The following ZNRF3 variants were observed in gnomAD, a reference collection of about 807,000 sequenced individuals.
ZNRF3 encodes the protein zinc and ring finger 3, also known as E3 ubiquitin-protein ligase ZNRF3.
A neutral mutation model predicts 72.5 loss-of-function variants in ZNRF3; 23 were observed. The ratio of observed to expected loss-of-function variants is 0.32; its 90% CI spans 0.23 to 0.45. The LOEUF (loss-of-function observed/expected upper bound fraction) is 0.45, where lower values mean the gene tolerates loss of function less well. Among genes scored for constraint, ZNRF3 ranks in the 20% least tolerant of loss-of-function variants. The probability of loss-of-function intolerance (pLI) is 1.00; values close to 1 mark genes in which losing one functional copy is unlikely to be tolerated. For synonymous variants in ZNRF3, 610 were observed against 545.3 expected (o/e 1.12, Z -1.65); for missense variants, 1,169 against 1,272.1 (o/e 0.92, Z 1.23).
At position 28,899,693 on chromosome 22, in the gene ZNRF3, C is replaced by CTT. The variant is rs1299023459; in HGVS notation, c.300+15642_300+15643dup. Among the ~76,000 whole-genome samples the CTT allele has an allele frequency of 2.8e-3, 377 of 132,756 alleles. 3 individuals are homozygous for CTT. The highest frequency in any genetic ancestry group is 9.7e-3 in the African/African-American group (350 of 35,928). 87.1% of individuals were successfully genotyped at this position (132,756 alleles called of 152,430 possible). A position where few individuals can be genotyped will look rare whatever the true frequency, so the allele number is the denominator to read the frequency against. On this transcript the variant is annotated intron_variant, in intron 1 of 8. Transcript: ENST00000544604. Reference sequence around the variant, plus strand: ...TCTTTCTTTTCTTCTTTCTTTCTTTCTTTTTTTTTTTTTTTTAAGACAGTC... The same window carrying CTT: ...TCTTTCTTTTCTTCTTTCTTTCTTTCTTTTTTTTTTTTTTTTTTAAGACAGTC...
chr22:29,020,308 T>C (rs994722456), intron 2 of ZNRF3, among the ~76,000 whole-genome samples: 2 of 139,150 alleles, frequency 1.4e-5, no homozygotes, highest in African/African-American at 2.7e-5. Flanking sequence ...TCACCCAGGC[T>C]GGAGTGCAGT....
intron 1 of ZNRF3, among the ~76,000 whole-genome samples, chr22:28,927,100 C>T (rs545713024): frequency 1.6e-4 from 24 of 148,564 alleles, no homozygotes; most frequent in African/African-American, 5.9e-4. Context: ...AGTGAGACTT[C>T]ATCTCAAAAA....
chr22:29,027,598 C>A (rs2036664295), intron 2 of ZNRF3, among the ~76,000 whole-genome samples: 1 of 152,188 alleles, frequency 6.6e-6, no homozygotes, highest in African/African-American at 2.4e-5. Context: ...TACCACTGGG[C>A]TGACAGCCAC....
rs112815122 is a variant in ZNRF3 at position 28,956,095 on chromosome 22, C to A, written c.301-30981C>A. Among the ~76,000 whole-genome samples the A allele has an allele frequency of 8.2e-3, 1,241 of 152,196 alleles. 9 individuals are homozygous for A. The highest frequency in any genetic ancestry group is 0.014 in the Non-Finnish European group (919 of 68,008). On this transcript the variant is annotated intron_variant, in intron 1 of 8. Transcript: ENST00000544604. ...CACCAGTAGAGCATGTTGAGTGCTG[C>A]AGAGATGGCTGGCGACGGGGATGTC...
intron 1 of ZNRF3, among the ~76,000 whole-genome samples, chr22:28,905,061 G>A (rs1475590937): frequency 1.3e-5 from 2 of 151,226 alleles, no homozygotes; most frequent in African/African-American, 4.9e-5. Flanking sequence ...TCAACCTCCC[G>A]AGTAGCTGGT....
intron 2 of ZNRF3, among the ~76,000 whole-genome samples, chr22:28,998,191 C>T (rs531158012): frequency 1.3e-5 from 2 of 151,438 alleles, no homozygotes; most frequent in African/African-American, 2.4e-5. Context: ...CCCAGCTACT[C>T]GGGAGGCTGA....
At chr22:28,887,132 G>C (rs548119745) in intron 1 of ZNRF3, among the ~76,000 whole-genome samples, 2 of 151,994 alleles carry the variant, frequency 1.3e-5, no homozygotes, top group Non-Finnish European at 2.9e-5. Context: ...GAAAAAACCT[G>C]TTTAGGAGTG....
At position 28,920,089 on chromosome 22, in the gene ZNRF3, C is replaced by G. The variant is rs144633682; in HGVS notation, c.300+36023C>G. Reference sequence around the variant, plus strand: ...GATTCAAGCAATTCTCGTGCCTCAGCCTCCCGAGTAGCTGGGATTACAGGC... The same window carrying G: ...GATTCAAGCAATTCTCGTGCCTCAGGCTCCCGAGTAGCTGGGATTACAGGC... On this transcript the variant is annotated intron_variant, in intron 1 of 8. Transcript: ENST00000544604. 4.1e-3 allele frequency among the ~76,000 whole-genome samples: 628 copies of G among 151,666 alleles called. 8 individuals carry two copies. Among genetic ancestry groups the G allele is most frequent in the African/African-American group, 0.014 (585 of 41,350 alleles).
intron 1 of ZNRF3, among the ~76,000 whole-genome samples, chr22:28,969,316 C>T (rs939548945): frequency 6.6e-6 from 1 of 152,084 alleles, no homozygotes; most frequent in Non-Finnish European, 1.5e-5. Context: ...CTTTTTTTCC[C>T]CCGTAGATAT....
intron 2 of ZNRF3, among the ~76,000 whole-genome samples, chr22:29,038,932 G>A (rs1384331343): frequency 1.3e-5 from 2 of 152,042 alleles, no homozygotes; most frequent in African/African-American, 2.4e-5. Context: ...AAGTCAAGCT[G>A]TAAATGGAAT....
chr22:28,939,904 T>C (rs1383397884), intron 1 of ZNRF3, among the ~76,000 whole-genome samples: 1 of 152,186 alleles, frequency 6.6e-6, no homozygotes, highest in South Asian at 2.1e-4. Context: ...AGTTTTAACA[T>C]AGAAGGGCCA....
At chr22:28,885,214 G>A (rs914419819) in intron 1 of ZNRF3, among the ~76,000 whole-genome samples, 4 of 152,066 alleles carry the variant, frequency 2.6e-5, no homozygotes, top group Non-Finnish European at 4.4e-5. Context: ...CTTGGGTGCA[G>A]ACTCAAAGCC....
intron 2 of ZNRF3, among the ~76,000 whole-genome samples, chr22:29,014,512 C>T (rs1350137207): frequency 6.6e-6 from 1 of 152,188 alleles, no homozygotes; most frequent in African/African-American, 2.4e-5. Context: ...CCGTGTTTGA[C>T]AGAAAGCAGA....
At chr22:29,002,893 T>G (rs991068170) in intron 2 of ZNRF3, among the ~76,000 whole-genome samples, 8 of 152,220 alleles carry the variant, frequency 5.3e-5, no homozygotes, top group African/African-American at 1.9e-4. Flanking sequence ...GAGATCCTTG[T>G]GCAGTGGCTT....
chr22:29,012,935 G>T (rs185022434), intron 2 of ZNRF3, among the ~76,000 whole-genome samples: 1 of 152,196 alleles, frequency 6.6e-6, no homozygotes, highest in African/African-American at 2.4e-5. Context: ...CCATGGCTCC[G>T]TCCCAGGTTA....
intron 1 of ZNRF3, among the ~76,000 whole-genome samples, chr22:28,952,659 T>C (rs2035186350): frequency 6.6e-6 from 1 of 152,222 alleles, no homozygotes; most frequent in Admixed American, 6.5e-5. Flanking sequence ...AAGAACATAA[T>C]GTTTATGAAG....
chr22:28,998,957 G>C (rs1243310018), intron 2 of ZNRF3, among the ~76,000 whole-genome samples: 1 of 152,010 alleles, frequency 6.6e-6, no homozygotes, highest in African/African-American at 2.4e-5. Flanking sequence ...ATGCAACAAG[G>C]GTCACAAATG....
chr22:28,920,993 T>G (rs1330691393), intron 1 of ZNRF3, among the ~76,000 whole-genome samples: 1 of 152,248 alleles, frequency 6.6e-6, no homozygotes, highest in African/African-American at 2.4e-5. Context: ...CCCAGCCCAC[T>G]GGCCACATGC....
intron 2 of ZNRF3, among the ~76,000 whole-genome samples, chr22:28,988,171 TG>T (rs1225618148): frequency 6.6e-6 from 1 of 152,188 alleles, no homozygotes; most frequent in African/African-American, 2.4e-5. Context: ...GAATTTTGGC[TG>T]GGAGAAAGGT....
Sources: gnomAD v4.1 joint callset for allele counts (sites outside exome capture counted in the v4.1 genomes callset) on GRCh38, gnomAD v4.1.1 for gene constraint, MANE v1.5 for transcripts, NCBI Gene and HGNC (gene_info 2026-07-23, HGNC 2026-07-21) for gene names.